MARVELD2: variants seen among roughly 807,000 people sequenced by gnomAD.
MARVELD2 encodes the protein MARVEL domain containing 2.
Under a neutral mutation model 57.6 loss-of-function variants are expected in MARVELD2, and 49 were observed. The observed-to-expected ratio is 0.85, with a 90% confidence interval of 0.68 to 1.08. MARVELD2 has a LOEUF of 1.08. Ranked by LOEUF, MARVELD2 falls within the 50% of genes least tolerant of loss-of-function variation. The pLI is 0.00. For synonymous variants in MARVELD2, 238 were observed against 258.8 expected, an observed-to-expected ratio of 0.92 and a Z score of 0.77; for missense variants, 606 against 701.1, an observed-to-expected ratio of 0.86 and a Z score of 1.53.
rs774571921 is a variant in MARVELD2, at chr5:69,432,959, C to T, written c.1369C>T (p.Arg457Cys). Residue 457 changes from arginine to cysteine, a missense_variant, in exon 5 of 7, where the codon CGC becomes TGC. Physicochemically the swap from Arg to Cys is radical, Grantham distance 180. Transcript: ENST00000325631. ...PVIQTDDERE[R>C]YKAVFQDQFS... is the part of the protein sequence containing the mutation. ...GATTCAGACAGATGATGAGCGAGAA[C>T]GCTATAAAGCTGTGTTCCAAGACCA... The T allele has an allele frequency of 5.5e-5, 89 of 1,614,028 alleles. No individual in the cohort carries two copies. Among genetic ancestry groups the T allele is most frequent in the Non-Finnish European group, 7.4e-5 (87 of 1,180,052 alleles).
Position 69,419,351 on chromosome 5 carries a change from A to G in MARVELD2, c.-15-20A>G, listed in dbSNP as rs370314827. 69 of 1,612,836 alleles carry G rather than the reference A, an allele frequency of 4.3e-5. No homozygotes were observed. The highest frequency in any genetic ancestry group is 5.6e-5 in the Non-Finnish European group (66 of 1,179,072). ...GGATAAGTAACTAATCATAAGTGAT[A>G]ACTTTAAATTTGGCCACAGGTGTGA... On this transcript the variant is annotated intron_variant, in intron 1 of 6. Transcript: ENST00000325631.
intron 3 of MARVELD2, among the ~76,000 whole-genome samples, chr5:69,425,425 AAG>A (rs1158099817): frequency 2.7e-5 from 4 of 149,398 alleles, no homozygotes; most frequent in Non-Finnish European, 4.5e-5. Flanking sequence ...AAAAAAAAAA[AAG>A]AAATTGTAGC....
chr5:69,439,353 G>T (rs894993440), intron 5 of MARVELD2, among the ~76,000 whole-genome samples: 1 of 151,590 alleles, frequency 6.6e-6, no homozygotes, highest in African/African-American at 2.4e-5. Context: ...TAGAGATGGG[G>T]TTTCGCCATG....
chr5:69,423,396 T>G (rs1415455428), intron 2 of MARVELD2, among the ~76,000 whole-genome samples: 1 of 152,016 alleles, frequency 6.6e-6, no homozygotes, highest in Non-Finnish European at 1.5e-5. Context: ...TAGCTGGGAC[T>G]GCAGGCATAC....
intron 3 of MARVELD2, among the ~76,000 whole-genome samples, chr5:69,430,374 AAT>A (rs1330287874): frequency 7.9e-5 from 12 of 151,898 alleles, no homozygotes; most frequent in Non-Finnish European, 1.8e-4. Context: ...CTCAAGAAAA[AAT>A]ATATTTTTTT....
chr5:69,430,694 C>T (rs1190168198), intron 3 of MARVELD2, among the ~76,000 whole-genome samples: 6 of 151,566 alleles, frequency 4.0e-5, no homozygotes, highest in South Asian at 4.2e-4. Context: ...CCACCACATC[C>T]GGCTAATTTT....
At chr5:69,426,623 G>A (rs1006672813) in intron 3 of MARVELD2, among the ~76,000 whole-genome samples, 6 of 151,680 alleles carry the variant, frequency 4.0e-5, no homozygotes, top group Non-Finnish European at 5.9e-5. Context: ...GTGAGTCACC[G>A]CGCCCGGCCT....
intron 2 of MARVELD2, among the ~76,000 whole-genome samples, chr5:69,423,176 G>A (rs140769822): frequency 7.8e-4 from 119 of 152,250 alleles, no homozygotes; most frequent in African/African-American, 2.7e-3. Context: ...GATTACAGGC[G>A]TGAGCCACCA....
chr5:69,429,937 C>T (rs1561297579), intron 3 of MARVELD2, among the ~76,000 whole-genome samples: 1 of 151,672 alleles, frequency 6.6e-6, no homozygotes, highest in Non-Finnish European at 1.5e-5. Flanking sequence ...GACAGGGTTT[C>T]ACTCTGTCAC....
chr5:69,435,122 C>G (rs970308096), intron 5 of MARVELD2, among the ~76,000 whole-genome samples: 1 of 150,114 alleles, frequency 6.7e-6, no homozygotes, highest in African/African-American at 2.5e-5. Flanking sequence ...TCCCAGGTTA[C>G]GCGATTCTCC....
chr5:69,440,800 G>A (rs188008143), intron 6 of MARVELD2, among the ~76,000 whole-genome samples: 10 of 152,334 alleles, frequency 6.6e-5, no homozygotes, highest in Admixed American at 6.5e-4. Context: ...AATCAGTAGA[G>A]GTGGCTGGAC....
intron 5 of MARVELD2, among the ~76,000 whole-genome samples, chr5:69,440,085 G>A (rs954989159): frequency 7.9e-5 from 12 of 152,130 alleles, no homozygotes; most frequent in African/African-American, 2.9e-4. Context: ...CACTTTATAA[G>A]GATCATTTCA....
At chr5:69,431,914 G>A (rs1310117818) in intron 3 of MARVELD2, among the ~76,000 whole-genome samples, 1 of 132,922 alleles carries the variant, frequency 7.5e-6, no homozygotes, top group Non-Finnish European at 1.5e-5. Flanking sequence ...ACAGCTCACT[G>A]TAACCTCTAC....
chr5:69,438,123 G>T (rs1767214746), intron 5 of MARVELD2, among the ~76,000 whole-genome samples: 1 of 152,164 alleles, frequency 6.6e-6, no homozygotes, highest in Non-Finnish European at 1.5e-5. Context: ...AGCCCAGTGG[G>T]CCTGTTTGGA....
intron 3 of MARVELD2, among the ~76,000 whole-genome samples, chr5:69,425,152 C>G (rs1384763784): frequency 1.3e-5 from 2 of 148,814 alleles, no homozygotes; most frequent in African/African-American, 4.9e-5. Context: ...GAACAAAAAA[C>G]CAAACACCAC....
rs767883111 is a variant in MARVELD2 at position 69,420,272 on chromosome 5, T to G, written c.887T>G (p.Ile296Ser). ...SNWWPLTEFG[I>S]NVALFILYMA... Reference sequence around the variant, plus strand: ...TGGTGGCCCCTAACTGAATTTGGAATTAACGTTGCCTTGTTTATTTTGTAT... The same window carrying G: ...TGGTGGCCCCTAACTGAATTTGGAAGTAACGTTGCCTTGTTTATTTTGTAT... Residue 296 changes from isoleucine to serine, a missense_variant, in exon 2 of 7, where the codon ATT becomes AGT. Ile to Ser is a moderately radical substitution (Grantham distance 142). Coordinates refer to ENST00000325631, the MANE Select transcript of MARVELD2 (RefSeq NM_001038603.3). 3.7e-6 allele frequency: 6 copies of G among 1,614,076 alleles called. No homozygotes were observed. The African/African-American group carries it at 4.0e-5, about 11-fold the overall frequency.
intron 3 of MARVELD2, among the ~76,000 whole-genome samples, chr5:69,431,856 AGCCAGAGTCTCACTCTATC>A (rs1766973940): frequency 4.0e-5 from 2 of 50,078 alleles, no homozygotes; most frequent in Admixed American, 2.7e-4. Flanking sequence ...TTTTTTTTTG[AGCCAGAGTCTCACTCTATC>A]GCCCAGGCTG....
intron 3 of MARVELD2, among the ~76,000 whole-genome samples, chr5:69,427,973 A>G (rs746484884): frequency 1.3e-5 from 2 of 152,048 alleles, no homozygotes; most frequent in East Asian, 1.9e-4. Context: ...TTAGCCAGGC[A>G]TGGTGGTGCA....
At chr5:69,441,489 G>A in intron 6 of MARVELD2, 43 bp from the exon 7 acceptor site, 1 of 1,598,996 alleles carries the variant, frequency 6.3e-7, no homozygotes, top group Middle Eastern at 1.7e-4. Context: ...GTTTTTCACT[G>A]AGGAAGCCAG....
Sources: gnomAD v4.1 joint callset for allele counts (sites outside exome capture counted in the v4.1 genomes callset) on GRCh38, gnomAD v4.1.1 for gene constraint, MANE v1.5 for transcripts, NCBI Gene and HGNC (gene_info 2026-07-23, HGNC 2026-07-21) for gene names.